TTC39C: variants seen among roughly 807,000 people sequenced by gnomAD.
TTC39C encodes the protein tetratricopeptide repeat domain 39C, also known as tetratricopeptide repeat protein 39C.
In TTC39C, 33 loss-of-function variants were observed where a neutral mutation model predicts 76.3. The observed-to-expected ratio is 0.43, with a 90% CI of 0.33 to 0.58. The LOEUF (loss-of-function observed/expected upper bound fraction) is 0.58, where lower values mean the gene tolerates loss of function less well. Ranked by LOEUF, TTC39C falls within the 20% of genes least tolerant of loss-of-function variation. The probability of loss-of-function intolerance (pLI) is 0.04; values close to 1 mark genes in which losing one functional copy is unlikely to be tolerated. For missense variants in TTC39C, 595 were observed against 701.4 expected, an observed-to-expected ratio of 0.85 and a Z score of 1.71; for synonymous variants, 254 against 260.6, an observed-to-expected ratio of 0.97 and a Z score of 0.24.
chr18:24,126,202 G>GAA (rs943681308), intron 10 of TTC39C, among the ~76,000 whole-genome samples: 51 of 149,902 alleles, frequency 3.4e-4, no homozygotes, highest in African/African-American at 1.2e-3. Context: ...AGAAAAAGGG[G>GAA]AAAAAAAAAG....
At chr18:24,107,892 G>GGC (rs1054138325) in intron 6 of TTC39C, among the ~76,000 whole-genome samples, 14 of 145,378 alleles carry the variant, frequency 9.6e-5, no homozygotes, top group Middle Eastern at 6.9e-3. Context: ...CCAAGTAGGG[G>GGC]GGGGGGTACA....
chr18:24,061,679 A>G (rs1250318534), intron 1 of TTC39C, among the ~76,000 whole-genome samples: 1 of 150,632 alleles, frequency 6.6e-6, no homozygotes, highest in Non-Finnish European at 1.5e-5. Flanking sequence ...CAAGGAGGGC[A>G]GATCACTTGA....
rs567973654 is a variant in TTC39C, at chr18:23,999,006, T to C, written c.-17+5968T>C. Among the ~76,000 whole-genome samples the C allele has an allele frequency of 3.3e-5, 5 of 152,316 alleles. No homozygotes were observed. The South Asian group carries it at 1.0e-3, about 32-fold the overall frequency. On this transcript the variant is annotated intron_variant, in intron 1 of 13. Transcript: ENST00000304621. The stretch of plus-strand genomic sequence containing the variant: ...TTTCCAGCTTCTGTCCTGAATCATC[T>C]TGGATGACTGCCTCAGGTCTCTGTG...
chr18:24,069,352 A>T (rs1391626779), intron 4 of TTC39C, 81 bp downstream of exon 4: 1 of 1,222,048 alleles, frequency 8.2e-7, no homozygotes, highest in Non-Finnish European at 1.2e-6. Flanking sequence ...AATGCCTTAT[A>T]TTTCAGTCTT....
At chr18:24,089,151 A>T (rs1599314370) in intron 6 of TTC39C, among the ~76,000 whole-genome samples, 1 of 152,024 alleles carries the variant, frequency 6.6e-6, no homozygotes, top group South Asian at 2.1e-4. Flanking sequence ...ACCCCGGGGG[A>T]TCATGGAGAA....
intron 6 of TTC39C, among the ~76,000 whole-genome samples, chr18:24,097,076 C>T (rs913725604): frequency 4.6e-5 from 7 of 152,148 alleles, no homozygotes; most frequent in African/African-American, 7.2e-5. Context: ...TGGCCTTTTT[C>T]GATGAGAGGA....
At chr18:24,036,023 T>C (rs1379009644) in intron 1 of TTC39C, among the ~76,000 whole-genome samples, 2 of 152,234 alleles carry the variant, frequency 1.3e-5, no homozygotes, top group African/African-American at 4.8e-5. Flanking sequence ...GCACTGTTTG[T>C]TGAAAAGATT....
At position 24,066,122 on chromosome 18, in the gene TTC39C, G is replaced by A; in HGVS notation, c.327G>A (p.Lys109=). 6.3e-7 allele frequency: 1 copy of A among 1,596,946 alleles called. No individual in the cohort carries two copies. The highest frequency in any genetic ancestry group is 1.8e-5 in the Admixed American group (1 of 54,446). The part of the protein sequence containing the change: ...SEEAGVIETI[K]NKIKKNVDVR... The stretch of plus-strand genomic sequence containing the variant: ...AGGCTGGAGTAATTGAAACAATCAA[G>A]AATAAAATTAAGAAGAACGTAAGTA... Residue 109 remains lysine (K), a synonymous_variant, in exon 3 of 14, where the codon AAG becomes AAA. Coordinates refer to ENST00000317571, the MANE Select transcript of TTC39C (RefSeq NM_001135993.2).
intron 1 of TTC39C, among the ~76,000 whole-genome samples, chr18:23,994,054 A>G (rs1311105766): frequency 2.0e-5 from 3 of 152,222 alleles, no homozygotes. Context: ...ACTGTTATGC[A>G]CATGAATCTC....
At chr18:24,026,535 CAGAT>C (rs2083602122) in intron 1 of TTC39C, among the ~76,000 whole-genome samples, 1 of 152,196 alleles carries the variant, frequency 6.6e-6, no homozygotes, top group Non-Finnish European at 1.5e-5. Context: ...CCTTGATACA[CAGAT>C]AGGCAGAGCT....
chr18:24,118,020 A>G, intron 7 of TTC39C, 105 bp from the exon 8 acceptor site: 1 of 779,774 alleles, frequency 1.3e-6, no homozygotes, highest in Non-Finnish European at 1.9e-6. Flanking sequence ...CGCATTTCAT[A>G]GAACATGCAC....
intron 6 of TTC39C, among the ~76,000 whole-genome samples, chr18:24,087,339 T>G (rs1183903762): frequency 6.6e-6 from 1 of 152,192 alleles, no homozygotes. Flanking sequence ...CAATACAGAT[T>G]TACACAACTT....
chr18:24,078,674 T>C (rs2084337930), intron 4 of TTC39C, among the ~76,000 whole-genome samples: 1 of 152,206 alleles, frequency 6.6e-6, no homozygotes, highest in Admixed American at 6.5e-5. Context: ...AAATGAAATG[T>C]CACTAACCAG....
chr18:24,001,019 T>C (rs2083307317), intron 1 of TTC39C, among the ~76,000 whole-genome samples: 1 of 152,042 alleles, frequency 6.6e-6, no homozygotes, highest in South Asian at 2.1e-4. Flanking sequence ...TCCACCCAAT[T>C]TTGAGATTCT....
chr18:24,128,763 A>C (rs1275302027), intron 10 of TTC39C, 123 bp from the exon 11 acceptor site: 6 of 679,014 alleles, frequency 8.8e-6, no homozygotes, highest in Non-Finnish European at 1.5e-5. Context: ...TATTAAGAGC[A>C]GTTTTAGGTT....
At chr18:24,045,911 A>ATGTATATG (rs1269372155) in intron 1 of TTC39C, among the ~76,000 whole-genome samples, 4 of 25,698 alleles carry the variant, frequency 1.6e-4, no homozygotes, top group East Asian at 1.9e-3. Flanking sequence ...ATATATATAT[A>ATGTATATG]TATATATATA....
intron 1 of TTC39C, among the ~76,000 whole-genome samples, chr18:24,032,982 G>A (rs1196134523): frequency 6.6e-6 from 1 of 152,258 alleles, no homozygotes; most frequent in African/African-American, 2.4e-5. Context: ...GCTGGGTGCA[G>A]TGGCTCACAC....
At position 24,094,801 on chromosome 18, in the gene TTC39C, A is replaced by G. The variant is rs566651052; in HGVS notation, c.984+11720A>G. ...TCATTCAGGCTTTCTTTTTCCATTT[A>G]TAGAACACAGGAAGAGGAAGAGTAG... On this transcript the variant is annotated intron_variant, in intron 6 of 13. Coordinates refer to ENST00000317571, the MANE Select transcript of TTC39C (RefSeq NM_001135993.2). Among the ~76,000 whole-genome samples, 13 of 152,336 alleles carry G rather than the reference A, an allele frequency of 8.5e-5. No homozygotes were observed. In the South Asian group the frequency reaches 2.3e-3, roughly 27 times the overall value.
intron 1 of TTC39C, among the ~76,000 whole-genome samples, chr18:24,023,958 A>ATATATC (rs2083551206): frequency 6.8e-5 from 1 of 14,668 alleles, no homozygotes; most frequent in Non-Finnish European, 2.3e-4. Context: ...ATGTATATAT[A>ATATATC]TATATATATA....
Sources: gnomAD v4.1 joint callset for allele counts (sites outside exome capture counted in the v4.1 genomes callset) on GRCh38, gnomAD v4.1.1 for gene constraint, MANE v1.5 for transcripts, NCBI Gene and HGNC (gene_info 2026-07-23, HGNC 2026-07-21) for gene names.